ATP7B: variants seen among roughly 807,000 people sequenced by gnomAD.
The protein encoded by ATP7B is ATPase copper transporting beta, also known as copper-transporting ATPase 2.
ATP7B carries 113 observed loss-of-function variants against 118.9 expected under a neutral mutation model. The ratio of observed to expected loss-of-function variants is 0.95; its 90% CI spans 0.82 to 1.11. The LOEUF is 1.11. Ranked by LOEUF, ATP7B falls within the 50% of genes most tolerant of loss-of-function variation. ATP7B has a pLI of 0.00. For synonymous variants in ATP7B, 777 were observed against 727.4 expected, an observed-to-expected ratio of 1.07 and a Z score of -1.10; for missense variants, 1,867 against 1,871.4, an observed-to-expected ratio of 1.00 and a Z score of 0.04.
intron 1 of ATP7B, among the ~76,000 whole-genome samples, chr13:51,989,718 T>A (rs984617862): frequency 5.3e-5 from 8 of 152,224 alleles, no homozygotes; most frequent in African/African-American, 1.9e-4. Context: ...AATCTCGTGC[T>A]ACACAGCTTT....
rs1593841543 is a variant in ATP7B, at chr13:51,990,817, C to T, written c.52-15649G>A. Among the ~76,000 whole-genome samples, 4 of 152,256 alleles carry T rather than the reference C, an allele frequency of 2.6e-5. No individual in the cohort carries two copies. In the South Asian group the frequency reaches 8.3e-4, roughly 31 times the overall value. Reference sequence around the variant, plus strand: ...AAATAAAACCGAACCCACCCTGGCACAATGGCTCATACCTGTAATCCCAGC... The same window carrying T: ...AAATAAAACCGAACCCACCCTGGCATAATGGCTCATACCTGTAATCCCAGC... On this transcript the variant is annotated intron_variant, in intron 1 of 20. Transcript: ENST00000242839.
intron 1 of ATP7B, among the ~76,000 whole-genome samples, chr13:51,984,348 T>C (rs1485812826): frequency 1.3e-5 from 2 of 151,856 alleles, no homozygotes; most frequent in African/African-American, 4.8e-5. Flanking sequence ...AAATAAAGCG[T>C]GAAGACAAGA....
chr13:51,977,780 T>C (rs2140166907), intron 1 of ATP7B, among the ~76,000 whole-genome samples: 1 of 152,318 alleles, frequency 6.6e-6, no homozygotes, highest in South Asian at 2.1e-4. Flanking sequence ...AATGCATTAC[T>C]ATGACATTAC....
chr13:51,941,022 G>T, intron 16 of ATP7B, 59 bp downstream of exon 16: 1 of 1,609,598 alleles, frequency 6.2e-7, no homozygotes, highest in South Asian at 1.1e-5. Context: ...TCTTTTGCCT[G>T]ATATCTGCAG....
At chr13:51,955,909 G>A (rs1270136158) in intron 9 of ATP7B, among the ~76,000 whole-genome samples, 2 of 152,228 alleles carry the variant, frequency 1.3e-5, no homozygotes, top group African/African-American at 4.8e-5. Context: ...GCTGAGGGGG[G>A]CTCTGTGCCT....
At chr13:51,938,091 A>G (rs1000905217) in intron 17 of ATP7B, among the ~76,000 whole-genome samples, 4 of 152,150 alleles carry the variant, frequency 2.6e-5, no homozygotes, top group African/African-American at 9.7e-5. Flanking sequence ...CGAGGGTCCC[A>G]GAGTCCCAGG....
intron 2 of ATP7B, among the ~76,000 whole-genome samples, chr13:51,971,364 C>T (rs1308906938): frequency 6.6e-6 from 1 of 152,086 alleles, no homozygotes; most frequent in Non-Finnish European, 1.5e-5. Context: ...AGTAGATGTC[C>T]TATATTTTTA....
intron 1 of ATP7B, among the ~76,000 whole-genome samples, chr13:51,987,305 T>C (rs1385964733): frequency 6.6e-6 from 1 of 152,194 alleles, no homozygotes; most frequent in Non-Finnish European, 1.5e-5. Flanking sequence ...TGAACTCCCA[T>C]TCACAATTGC....
rs545703642 is a variant in ATP7B at position 51,983,939 on chromosome 13, T to A, written c.52-8771A>T. On this transcript the variant is annotated intron_variant, in intron 1 of 20. Transcript: ENST00000242839. ...ACATCAAAAAGCAAAGGTAGATAAA[T>A]CCATGAAGATGGGGAGAAACCAGCG... is the stretch of plus-strand genomic sequence containing the variant. Among the ~76,000 whole-genome samples, 17 of 152,058 alleles carry A rather than the reference T, an allele frequency of 1.1e-4. No homozygotes were observed. The South Asian group carries it at 3.3e-3, about 30-fold the overall frequency.
At chr13:52,005,760 C>A (rs1168743252) in intron 1 of ATP7B, among the ~76,000 whole-genome samples, 1 of 152,228 alleles carries the variant, frequency 6.6e-6, no homozygotes, top group African/African-American at 2.4e-5. Flanking sequence ...TTTCAGGGAT[C>A]TGTTATACCA....
Position 51,964,897 on chromosome 13 carries a change from G to T in ATP7B, c.1844C>A (p.Pro615Gln). The change falls in exon 5 of 21, where the codon CCA (proline) becomes CAA (glutamine). Residue 615 changes from proline to glutamine, a missense_variant. By Grantham distance (76) the Pro-to-Gln change is moderately conservative. Coordinates refer to ENST00000242839, the MANE Select transcript of ATP7B (RefSeq NM_000053.4). ...CTCAATAATTTTGATAATATCCCGTGGACCGATAATTTCCGGGTCAAACTT... is the reference window on the plus strand; with the variant it reads ...CTCAATAATTTTGATAATATCCCGTTGACCGATAATTTCCGGGTCAAACTT... Reference protein sequence around the residue: ...LVKFDPEIIGPRDIIKIIEEI... With the variant: ...LVKFDPEIIGQRDIIKIIEEI... The T allele has an allele frequency of 6.2e-7, 1 of 1,614,044 alleles. No homozygotes were observed. Among genetic ancestry groups the T allele is most frequent in the African/African-American group, 1.3e-5 (1 of 74,980 alleles).
intron 1 of ATP7B, among the ~76,000 whole-genome samples, chr13:51,985,263 G>C (rs1593825534): frequency 6.6e-6 from 1 of 152,022 alleles, no homozygotes; most frequent in Non-Finnish European, 1.5e-5. Flanking sequence ...GTCGGGGTTG[G>C]AATCCTAGTC....
chr13:52,006,904 T>G (rs376945716), intron 1 of ATP7B, among the ~76,000 whole-genome samples: 3 of 152,194 alleles, frequency 2.0e-5, no homozygotes, highest in Non-Finnish European at 4.4e-5. Flanking sequence ...GCCCCTTCTG[T>G]GGGTGCTGTA....
At position 51,974,767 on chromosome 13, in the gene ATP7B, GCCCTC is replaced by G. The variant is rs779669186; in HGVS notation, c.448_452del (p.Glu150HisfsTer11). The stretch of plus-strand genomic sequence containing the variant: ...AGCTGACACAGGACTGGCAGGTCAT[GCCCTC>G]CACCCGGAGCTTGACCACAGCCTCC... On this transcript the variant is annotated frameshift_variant, in exon 2 of 21. Transcript: ENST00000242839. LOFTEE classifies it high-confidence loss of function. The G allele has an allele frequency of 6.2e-7, 1 of 1,614,196 alleles. No individual in the cohort carries two copies. The highest frequency in any genetic ancestry group is 1.1e-5 in the South Asian group (1 of 91,092).
At chr13:52,003,438 C>A (rs1257003166) in intron 1 of ATP7B, among the ~76,000 whole-genome samples, 2 of 152,066 alleles carry the variant, frequency 1.3e-5, no homozygotes, top group Non-Finnish European at 2.9e-5. Context: ...CTTACACGGG[C>A]CCCAAGATGA....
At position 51,958,487 on chromosome 13, in the gene ATP7B, C is replaced by T. The variant is rs866043623; in HGVS notation, c.2179G>A (p.Ala727Thr). Residue 727 changes from alanine to threonine, a missense_variant, in exon 8 of 21, where the codon GCC (alanine) becomes ACC (threonine). Ala to Thr is a moderately conservative substitution (Grantham distance 58). Coordinates refer to ENST00000242839, the MANE Select transcript of ATP7B (RefSeq NM_000053.4). ...QAYKSLRHRS[A>T]NMDVLIVLAT... ...AGGACGATGAGCACGTCCATGTTGG[C>T]TGACCTGTGTCTCAGAGATTTGTAG... 1.9e-6 allele frequency: 3 copies of T among 1,614,240 alleles called. No individual in the cohort carries two copies. The highest frequency in any genetic ancestry group is 2.5e-6 in the Non-Finnish European group (3 of 1,180,050).
rs1377418826 is a variant in ATP7B at position 51,946,480 on chromosome 13, T to G, written c.2866-2A>C. 3.7e-6 allele frequency: 6 copies of G among 1,614,184 alleles called. No individual in the cohort carries two copies. ...CTGGGAGATGTGCTTGTTGGGGTTC[T>G]GAAAACAGGACAGAGTCAGAGGCAG... On this transcript the variant is annotated splice_acceptor_variant, in intron 12 of 20. Transcript: ENST00000242839. LOFTEE classifies it high-confidence loss of function.
chr13:51,996,107 T>C (rs1412468370), intron 1 of ATP7B, among the ~76,000 whole-genome samples: 1 of 152,196 alleles, frequency 6.6e-6, no homozygotes, highest in Non-Finnish European at 1.5e-5. Context: ...GAGAGAAGTA[T>C]TTCCTAGGCA....
chr13:51,996,244 T>C (rs1320623428), intron 1 of ATP7B, among the ~76,000 whole-genome samples: 2 of 152,158 alleles, frequency 1.3e-5, no homozygotes, highest in Non-Finnish European at 1.5e-5. Flanking sequence ...GGCTCATCTG[T>C]TTAAGCAGCA....
Sources: allele counts gnomAD v4.1 joint callset (sites outside exome capture counted in the v4.1 genomes callset), GRCh38; gene constraint gnomAD v4.1.1; transcripts MANE v1.5; gene names NCBI Gene and HGNC (gene_info 2026-07-23, HGNC 2026-07-21).